The following MAP3K20 variants were observed in gnomAD, a reference collection of about 807,000 sequenced individuals.
MAP3K20 encodes mitogen-activated protein kinase kinase kinase 20, also known as HCCS-4.
In MAP3K20, 40 loss-of-function variants were observed where a neutral mutation model predicts 85.7. The ratio of observed to expected loss-of-function variants is 0.47; its 90% CI spans 0.36 to 0.61. The LOEUF (loss-of-function observed/expected upper bound fraction) is 0.61, where lower values mean the gene tolerates loss of function less well. Ranked by LOEUF, MAP3K20 falls within the 20% of genes least tolerant of loss-of-function variation. The pLI is 0.00. For synonymous variants in MAP3K20, 325 were observed against 327.7 expected (o/e 0.99, Z 0.09); for missense variants, 817 against 961.7 (o/e 0.85, Z 1.99).
At chr2:173,129,623 T>G (rs1688550167) in intron 2 of MAP3K20, among the ~76,000 whole-genome samples, 1 of 152,248 alleles carries the variant, frequency 6.6e-6, no homozygotes, top group South Asian at 2.1e-4. Context: ...AGCTGGGATC[T>G]GAGTCCTGGT....
intron 2 of MAP3K20, among the ~76,000 whole-genome samples, chr2:173,144,563 G>A (rs1027822497): frequency 1.1e-4 from 17 of 151,842 alleles, no homozygotes. Context: ...GGGAGTGGGG[G>A]GGCATGCACC....
At chr2:173,126,528 C>T (rs113645989) in intron 2 of MAP3K20, among the ~76,000 whole-genome samples, 2,039 of 152,166 alleles carry the variant, frequency 0.013, 26 homozygotes, top group South Asian at 0.03. Flanking sequence ...TACAGGCATG[C>T]ACCATCACAC....
intron 9 of MAP3K20, 93 bp downstream of exon 9, chr2:173,203,963 C>T: frequency 2.5e-6 from 3 of 1,181,696 alleles, no homozygotes; most frequent in South Asian, 1.2e-5. Context: ...AAATTCATTA[C>T]AAAGCAAAGC....
At chr2:173,121,107 G>A (rs1442826811) in intron 2 of MAP3K20, among the ~76,000 whole-genome samples, 1 of 152,158 alleles carries the variant, frequency 6.6e-6, no homozygotes, top group East Asian at 1.9e-4. Context: ...ACTTCATCCT[G>A]TAAATCAGAA....
chr2:173,082,487 C>G (rs577837203), intron 1 of MAP3K20, among the ~76,000 whole-genome samples: 2 of 152,208 alleles, frequency 1.3e-5, no homozygotes. Context: ...TGTCTGTCAG[C>G]AGCCAGGATG....
intron 2 of MAP3K20, among the ~76,000 whole-genome samples, chr2:173,135,507 A>G (rs185556746): frequency 1.3e-5 from 2 of 152,346 alleles, no homozygotes; most frequent in Non-Finnish European, 1.5e-5. Flanking sequence ...TTTGGGGCTT[A>G]TTATGAGTTA....
chr2:173,133,216 A>G lies in MAP3K20; in HGVS notation c.160-36589A>G, dbSNP rs935775659. Among the ~76,000 whole-genome samples, 123 of 152,210 alleles carry G rather than the reference A, an allele frequency of 8.1e-4. 2 individuals are homozygous for G. The highest frequency in any genetic ancestry group is 2.4e-4 in the Non-Finnish European group (16 of 68,036). On this transcript the variant is annotated intron_variant, in intron 2 of 19. Transcript: ENST00000375213. ...TGTAAACATCTGAGTCCTTTACCTAAAGAAGCTTGTATCAGTGTTTTTATC... is the reference window on the plus strand; with the variant it reads ...TGTAAACATCTGAGTCCTTTACCTAGAGAAGCTTGTATCAGTGTTTTTATC...
chr2:173,148,708 A>C (rs1158389906), intron 2 of MAP3K20, among the ~76,000 whole-genome samples: 2 of 152,196 alleles, frequency 1.3e-5, no homozygotes, highest in African/African-American at 4.8e-5. Context: ...AGATTGTTTA[A>C]CAGGAAATGT....
At chr2:173,101,683 G>A (rs1312568733) in intron 2 of MAP3K20, among the ~76,000 whole-genome samples, 3 of 152,134 alleles carry the variant, frequency 2.0e-5, no homozygotes, top group African/African-American at 7.2e-5. Flanking sequence ...GAGAGAAAAA[G>A]CAGCCCGTAA....
At position 173,266,730 on chromosome 2, in the gene MAP3K20, C is replaced by T. The variant is rs1306713633; in HGVS notation, c.2383C>T (p.Arg795Cys). Residue 795 changes from arginine to cysteine, a missense_variant, in exon 20 of 20, where the codon CGT becomes TGT. By Grantham distance (180) the Arg-to-Cys change is radical (BLOSUM62 -3). Coordinates refer to ENST00000375213, the MANE Select transcript of MAP3K20 (RefSeq NM_016653.3). The stretch of plus-strand genomic sequence containing the variant: ...TAAAGAGAGAGCCAGAGGGGACCAC[C>T]GTGGATGGAGAAACTTTTGATGAAT... ...TNKERARGDHRGWRNF is the reference protein window; with the variant it reads ...TNKERARGDHCGWRNF 9.2e-6 allele frequency: 14 copies of T among 1,514,672 alleles called. No homozygotes were observed. Among genetic ancestry groups the T allele is most frequent in the Non-Finnish European group, 1.1e-5 (13 of 1,132,900 alleles). 93.8% of individuals were successfully genotyped at this position (1,514,672 alleles called of 1,614,324 possible). A position where few individuals can be genotyped will look rare whatever the true frequency, so the allele number is the denominator to read the frequency against.
At chr2:173,201,891 AATGACTTCGATGTGGTATC>A (rs1691076250) in intron 8 of MAP3K20, among the ~76,000 whole-genome samples, 1 of 152,192 alleles carries the variant, frequency 6.6e-6, no homozygotes, top group Non-Finnish European at 1.5e-5. Context: ...TTCCTTGTGT[AATGACTTCGATGTGGTATC>A]TAAACAGTTT....
In MAP3K20 at chr2:173,138,020, T is replaced by G. The variant is rs181592844; in HGVS notation, c.160-31785T>G. On this transcript the variant is annotated intron_variant, in intron 2 of 19. Transcript: ENST00000375213. Reference sequence around the variant, plus strand: ...TTGCTGTGTCGCCTAGACTGGAGTGTGCAGTGGCGTGATCTCGGCTCACTG... The same window carrying G: ...TTGCTGTGTCGCCTAGACTGGAGTGGGCAGTGGCGTGATCTCGGCTCACTG... Among the ~76,000 whole-genome samples the G allele has an allele frequency of 9.8e-5, 15 of 152,326 alleles. No homozygotes were observed. In the East Asian group the frequency reaches 2.9e-3, roughly 29 times the overall value.
chr2:173,254,203 T>TA (rs1200316447), intron 16 of MAP3K20, among the ~76,000 whole-genome samples: 1 of 151,260 alleles, frequency 6.6e-6, no homozygotes, highest in Non-Finnish European at 1.5e-5. Flanking sequence ...ATCATGAGGT[T>TA]AGGAGATCGA....
intron 1 of MAP3K20, among the ~76,000 whole-genome samples, chr2:173,085,946 C>T (rs36102078): frequency 0.28 from 42,393 of 151,344 alleles, 7,274 homozygotes; most frequent in Non-Finnish European, 0.39. Flanking sequence ...CAGATGCACG[C>T]CACCATGCCT....
intron 18 of MAP3K20, 117 bp from the exon 19 acceptor site, chr2:173,263,628 A>G: frequency 9.9e-7 from 1 of 1,009,526 alleles, no homozygotes. Context: ...AAGAGGTGAA[A>G]CTGAAGTGAT....
intron 16 of MAP3K20, among the ~76,000 whole-genome samples, chr2:173,240,480 A>G (rs982887835): frequency 1.1e-4 from 16 of 152,200 alleles, no homozygotes; most frequent in Admixed American, 5.9e-4. Flanking sequence ...TGGGCCTTCC[A>G]AAGATGCTCT....
chr2:173,258,841 G>C (rs886635526), intron 17 of MAP3K20, 26 bp downstream of exon 17: 2 of 1,427,790 alleles, frequency 1.4e-6, no homozygotes, highest in South Asian at 2.3e-5. Flanking sequence ...CGGCTTAAAA[G>C]CTCTTTTGAA....
intron 1 of MAP3K20, among the ~76,000 whole-genome samples, chr2:173,083,665 G>GA (rs1360284697): frequency 6.6e-6 from 1 of 152,044 alleles, no homozygotes; most frequent in Non-Finnish European, 1.5e-5. Flanking sequence ...AGACTCAGGG[G>GA]AAAAAAATTG....
chr2:173,133,843 T>C (rs1688688198), intron 2 of MAP3K20, among the ~76,000 whole-genome samples: 1 of 151,468 alleles, frequency 6.6e-6, no homozygotes, highest in South Asian at 2.1e-4. Context: ...TCCAAAAAAT[T>C]AGCCGGGCAT....
Sources: allele counts gnomAD v4.1 joint callset (sites outside exome capture counted in the v4.1 genomes callset), GRCh38; gene constraint gnomAD v4.1.1; transcripts MANE v1.5; gene names NCBI Gene and HGNC (gene_info 2026-07-23, HGNC 2026-07-21).